The following ADAM12 variants were observed in gnomAD, a reference collection of about 807,000 sequenced individuals.
The protein encoded by ADAM12 is disintegrin and metalloproteinase domain-containing protein 12.
ADAM12 carries 70 observed loss-of-function variants against 106.4 expected under a neutral mutation model. The observed-to-expected ratio is 0.66, with a 90% CI of 0.54 to 0.80. The LOEUF (loss-of-function observed/expected upper bound fraction) is 0.80. ADAM12 is among the 30% of genes least tolerant of loss of function. ADAM12 has a pLI of 0.00. For missense variants in ADAM12, 1,010 were observed against 1,171.9 expected, an observed-to-expected ratio of 0.86 and a Z score of 2.02; for synonymous variants, 420 against 433.5, an observed-to-expected ratio of 0.97 and a Z score of 0.39.
intron 1 of ADAM12, among the ~76,000 whole-genome samples, chr10:126,349,002 G>A (rs1433515390): frequency 3.3e-5 from 5 of 152,108 alleles, no homozygotes; most frequent in East Asian, 1.9e-4. Context: ...AAGCCAATAC[G>A]TTTCAATAGA....
rs1227299520 is a variant in ADAM12, at chr10:126,113,707, T to A, written c.604-3867A>T. On this transcript the variant is annotated intron_variant, in intron 6 of 22. Coordinates refer to ENST00000448723, the MANE Select transcript of ADAM12 (RefSeq NM_001288973.2). ...AAAAAAATATATATATATATATATA[T>A]ATATATATATATATATATATATATA... Among the ~76,000 whole-genome samples the A allele has an allele frequency of 4.3e-3, 293 of 68,230 alleles. 4 individuals carry two copies. The highest frequency in any genetic ancestry group is 5.8e-3 in the Non-Finnish European group (236 of 40,748). The allele number at this position is 68,230 out of a possible 152,430, so 44.8% of individuals were successfully genotyped here. A position where few individuals can be genotyped will look rare whatever the true frequency, so the allele number is the denominator to read the frequency against.
At chr10:126,100,928 C>A (rs866125932) in intron 9 of ADAM12, 144 bp downstream of exon 9, 1 of 802,124 alleles carries the variant, frequency 1.2e-6, no homozygotes, top group East Asian at 2.7e-5. Flanking sequence ...GCATCTGCCC[C>A]CCTGGTGTGA....
rs1010967603 is a variant in ADAM12, at chr10:126,022,186, G to A, written c.2530-2361C>T. 1.2e-4 allele frequency among the ~76,000 whole-genome samples: 19 copies of A among 152,120 alleles called. 1 individual carries two copies. The highest frequency in any genetic ancestry group is 2.9e-5 in the Non-Finnish European group (2 of 68,024). On this transcript the variant is annotated intron_variant, in intron 21 of 22. Coordinates refer to ENST00000448723, the MANE Select transcript of ADAM12 (RefSeq NM_001288973.2). The stretch of plus-strand genomic sequence containing the variant: ...CCATTCATTCTAGTTTGCCTGGGAC[G>A]TTCCCAATTTATGTTTATCGTCCTG...
intron 3 of ADAM12, among the ~76,000 whole-genome samples, chr10:126,179,700 G>GT (rs1957279664): frequency 6.6e-6 from 1 of 152,168 alleles, no homozygotes; most frequent in Admixed American, 6.5e-5. Flanking sequence ...ACCAACATGG[G>GT]TTAGACCATG....
chr10:126,027,949 C>T (rs1164347004), intron 21 of ADAM12, among the ~76,000 whole-genome samples: 3 of 152,130 alleles, frequency 2.0e-5, no homozygotes, highest in African/African-American at 7.2e-5. Flanking sequence ...TCTTGAAAAC[C>T]CCATTGTCTT....
intron 1 of ADAM12, among the ~76,000 whole-genome samples, chr10:126,370,035 T>C (rs1856055535): frequency 6.6e-6 from 1 of 152,152 alleles, no homozygotes; most frequent in Admixed American, 6.5e-5. Context: ...ATTAGGAAAA[T>C]GGGAACCAGC....
chr10:126,345,925 T>A (rs900086062), intron 1 of ADAM12, among the ~76,000 whole-genome samples: 3 of 152,232 alleles, frequency 2.0e-5, no homozygotes, highest in Admixed American at 6.5e-5. Flanking sequence ...TTCTTATTAG[T>A]CTTGCTAGAG....
At position 126,017,049 on chromosome 10, in the gene ADAM12, G is replaced by A. The variant is rs889560560; in HGVS notation, c.*230C>T. 2.6e-5 allele frequency: 12 copies of A among 460,934 alleles called. No individual in the cohort carries two copies. The highest frequency in any genetic ancestry group is 6.0e-5 in the African/African-American group (3 of 50,372). The allele number at this position is 460,934 out of a possible 1,614,324, so 28.6% of individuals were successfully genotyped here. On this transcript the variant is annotated 3_prime_UTR_variant, in exon 23 of 23. Coordinates refer to ENST00000448723, the MANE Select transcript of ADAM12 (RefSeq NM_001288973.2). ...TGATGGTAAAAATGCCTACTACAGC[G>A]CACTGCACTGTAATCAACATTCTGC...
intron 2 of ADAM12, among the ~76,000 whole-genome samples, chr10:126,293,639 C>T (rs531771083): frequency 1.3e-5 from 2 of 152,298 alleles, no homozygotes; most frequent in Admixed American, 1.3e-4. Flanking sequence ...CTGCCTCAGC[C>T]TCCTGAGTAG....
chr10:126,289,900 A>G (rs960125890), intron 2 of ADAM12, among the ~76,000 whole-genome samples: 1 of 152,194 alleles, frequency 6.6e-6, no homozygotes, highest in Non-Finnish European at 1.5e-5. Context: ...TAGAAATGAC[A>G]GTCCCCAAAG....
At chr10:126,232,537 C>T (rs117844375) in intron 3 of ADAM12, among the ~76,000 whole-genome samples, 2,860 of 152,184 alleles carry the variant, frequency 0.019, 38 homozygotes, top group Admixed American at 0.036. Flanking sequence ...GAAAATGACA[C>T]GTTCACCAGC....
intron 1 of ADAM12, among the ~76,000 whole-genome samples, chr10:126,363,170 A>T (rs961679700): frequency 2.0e-5 from 3 of 152,228 alleles, no homozygotes; most frequent in Non-Finnish European, 2.9e-5. Context: ...ATCTGAAAAC[A>T]TGGGGACAAT....
chr10:126,319,888 G>A (rs922490864), intron 2 of ADAM12, among the ~76,000 whole-genome samples: 1 of 152,168 alleles, frequency 6.6e-6, no homozygotes, highest in Admixed American at 6.5e-5. Flanking sequence ...ATGGAAGGGT[G>A]GGAATTGACT....
chr10:126,132,899 C>G lies in ADAM12; in HGVS notation c.416+2685G>C, dbSNP rs1330650857. On this transcript the variant is annotated intron_variant, in intron 5 of 22. Coordinates refer to ENST00000448723, the MANE Select transcript of ADAM12 (RefSeq NM_001288973.2). ...TCCCATTTCACCCCCTCATCTCTGT[C>G]TCCTCCAGGAATTCAAGCACTGGTT... Among the ~76,000 whole-genome samples the G allele has an allele frequency of 3.9e-5, 6 of 152,174 alleles. No homozygotes were observed. The East Asian group carries it at 1.2e-3, about 30-fold the overall frequency.
At chr10:126,197,083 C>A (rs533611206) in intron 3 of ADAM12, among the ~76,000 whole-genome samples, 1 of 152,084 alleles carries the variant, frequency 6.6e-6, no homozygotes, top group Non-Finnish European at 1.5e-5. Context: ...AGAAATCTGC[C>A]GTGCAATCCA....
intron 3 of ADAM12, among the ~76,000 whole-genome samples, chr10:126,234,045 C>T (rs368780666): frequency 6.5e-4 from 99 of 152,214 alleles, no homozygotes; most frequent in African/African-American, 2.3e-3. Context: ...CCGGGCCTCC[C>T]GAGGAAAGTA....
intron 4 of ADAM12, among the ~76,000 whole-genome samples, chr10:126,150,232 G>A (rs1956704962): frequency 6.6e-6 from 1 of 152,124 alleles, no homozygotes; most frequent in Non-Finnish European, 1.5e-5. Flanking sequence ...CCTCAGTGCT[G>A]AGTCTGAAAA....
intron 2 of ADAM12, among the ~76,000 whole-genome samples, chr10:126,301,584 G>A (rs1960626405): frequency 6.6e-6 from 1 of 152,122 alleles, no homozygotes; most frequent in Non-Finnish European, 1.5e-5. Flanking sequence ...GGGGTAAGGG[G>A]TGGGGTGGCT....
At chr10:126,245,672 T>C (rs1234016531) in intron 3 of ADAM12, among the ~76,000 whole-genome samples, 2 of 152,004 alleles carry the variant, frequency 1.3e-5, no homozygotes, top group Non-Finnish European at 2.9e-5. Context: ...GGATTTGCCA[T>C]TGGAGAGGTT....
Sources: gnomAD v4.1 joint callset for allele counts (sites outside exome capture counted in the v4.1 genomes callset) on GRCh38, gnomAD v4.1.1 for gene constraint, MANE v1.5 for transcripts, NCBI Gene and HGNC (gene_info 2026-07-23, HGNC 2026-07-21) for gene names.